Variants in EVI5 observed in about 807,000 individuals in gnomAD.
The protein encoded by EVI5 is ecotropic viral integration site 5.
In EVI5, 73 loss-of-function variants were observed where a neutral mutation model predicts 112.0. The observed-to-expected ratio is 0.65, with a 90% CI of 0.54 to 0.79. The LOEUF (loss-of-function observed/expected upper bound fraction) is 0.79, where lower values mean the gene tolerates loss of function less well. Ranked by LOEUF, EVI5 falls within the 30% of genes least tolerant of loss-of-function variation. The pLI, the probability that EVI5 is intolerant of heterozygous loss-of-function variation, is 0.00. For missense variants in EVI5, 900 were observed against 968.8 expected (o/e 0.93, Z 0.94); for synonymous variants, 305 against 319.9 (o/e 0.95, Z 0.50).
chr1:92,744,600 TCACACACA>T (rs961223051), intron 1 of EVI5, among the ~76,000 whole-genome samples: 12 of 28,058 alleles, frequency 4.3e-4, no homozygotes, highest in South Asian at 1.5e-3. Flanking sequence ...TCTCTCTCTC[TCACACACA>T]CACACACACA....
intron 9 of EVI5, among the ~76,000 whole-genome samples, chr1:92,690,350 CT>C (rs34227828): frequency 0.83 from 112,443 of 135,986 alleles, 46,225 homozygotes; most frequent in East Asian, 0.94. Context: ...CCCAATGATA[CT>C]TTTTTTTTTT....
intron 19 of EVI5, among the ~76,000 whole-genome samples, chr1:92,540,521 C>A (rs1664617485): frequency 6.6e-6 from 1 of 152,094 alleles, no homozygotes; most frequent in South Asian, 2.1e-4. Context: ...CATTTTATAA[C>A]TGGGTTATCT....
intron 2 of EVI5, among the ~76,000 whole-genome samples, chr1:92,720,769 C>T (rs1674609873): frequency 6.6e-6 from 1 of 152,162 alleles, no homozygotes; most frequent in African/African-American, 2.4e-5. Flanking sequence ...TCTTTGCAAT[C>T]TACCCAACTG....
At chr1:92,539,459 C>T (rs928738992) in intron 19 of EVI5, among the ~76,000 whole-genome samples, 15 of 147,108 alleles carry the variant, frequency 1.0e-4, no homozygotes, top group South Asian at 2.2e-4. Flanking sequence ...TGGAGGATGG[C>T]GGGAACCCGG....
intron 13 of EVI5, among the ~76,000 whole-genome samples, chr1:92,637,614 T>C (rs1659150385): frequency 6.6e-6 from 1 of 152,150 alleles, no homozygotes; most frequent in Non-Finnish European, 1.5e-5. Flanking sequence ...CTTTCTAAAA[T>C]AAATTGTCTA....
intron 2 of EVI5, among the ~76,000 whole-genome samples, chr1:92,736,100 T>C (rs1677384241): frequency 6.6e-6 from 1 of 151,714 alleles, no homozygotes; most frequent in Non-Finnish European, 1.5e-5. Context: ...AAGGAGACTG[T>C]TCAGAGAGTT....
intron 18 of EVI5, among the ~76,000 whole-genome samples, chr1:92,598,845 T>C (rs1648511686): frequency 6.6e-6 from 1 of 152,094 alleles, no homozygotes; most frequent in Non-Finnish European, 1.5e-5. Flanking sequence ...TTAAAAATGG[T>C]TAAGTTCACT....
At chr1:92,743,995 T>C (rs373818886) in intron 1 of EVI5, among the ~76,000 whole-genome samples, 17 of 152,228 alleles carry the variant, frequency 1.1e-4, no homozygotes, top group African/African-American at 4.1e-4. Context: ...TAAATCAAAC[T>C]CTAAGCACTG....
At position 92,717,725 on chromosome 1, in the gene EVI5, C is replaced by T. The variant is rs189887509; in HGVS notation, c.150-12981G>A. Reference sequence around the variant, plus strand: ...ACCTTAAATGTAAATGGGCTAAATGCTCCAATTAAAAGACACAGACTGGCA... The same window carrying T: ...ACCTTAAATGTAAATGGGCTAAATGTTCCAATTAAAAGACACAGACTGGCA... On this transcript the variant is annotated intron_variant, in intron 2 of 19. Coordinates refer to ENST00000684568, the MANE Select transcript of EVI5 (RefSeq NM_001350197.2). Among the ~76,000 whole-genome samples, 14 of 152,176 alleles carry T rather than the reference C, an allele frequency of 9.2e-5. No individual in the cohort carries two copies. The East Asian group carries it at 1.9e-3, about 21-fold the overall frequency.
intron 18 of EVI5, among the ~76,000 whole-genome samples, chr1:92,598,672 T>C (rs1648473459): frequency 6.6e-6 from 1 of 152,222 alleles, no homozygotes; most frequent in Non-Finnish European, 1.5e-5. Flanking sequence ...TTACAGGTTG[T>C]ATAATCTGTT....
chr1:92,756,214 T>C (rs1475359899), intron 1 of EVI5: 2 of 417,370 alleles, frequency 4.8e-6, no homozygotes, highest in South Asian at 2.0e-5. Context: ...ATTAGAAACC[T>C]ATCAGTGGAA....
At chr1:92,735,725 A>ATTAT (rs1278908131) in intron 2 of EVI5, among the ~76,000 whole-genome samples, 1 of 132,988 alleles carries the variant, frequency 7.5e-6, no homozygotes, top group African/African-American at 3.0e-5. Flanking sequence ...TATTATATAT[A>ATTAT]ATATAATATA....
chr1:92,653,010 C>A (rs1458436994), intron 13 of EVI5, among the ~76,000 whole-genome samples: 1 of 152,202 alleles, frequency 6.6e-6, no homozygotes, highest in Non-Finnish European at 1.5e-5. Flanking sequence ...CTCCTCTACC[C>A]TGCAAACCCA....
intron 11 of EVI5, 130 bp downstream of exon 11, chr1:92,665,809 G>C: frequency 1.8e-6 from 1 of 555,748 alleles, no homozygotes. Flanking sequence ...TAAATAGTAA[G>C]GTAAGCAAGC....
At chr1:92,565,948 C>CAAAAAAAAAAAAAAAAAAAAAAAAAAAA (rs71586755) in intron 18 of EVI5, among the ~76,000 whole-genome samples, 3 of 51,874 alleles carry the variant, frequency 5.8e-5, no homozygotes, top group African/African-American at 3.0e-4. Flanking sequence ...CCAGCCCGAG[C>CAAAAAAAAAAAAAAAAAAAAAAAAAAAA]AAAAAAAAAA....
At chr1:92,746,215 A>G (rs4638137) in intron 1 of EVI5, among the ~76,000 whole-genome samples, 139,978 of 152,274 alleles carry the variant, frequency 0.92, 64,414 homozygotes, top group East Asian at 0.97. Context: ...CTCTGAACTT[A>G]TTCTGGTTCT....
At chr1:92,781,492 C>T (rs928260738) in intron 1 of EVI5, among the ~76,000 whole-genome samples, 2 of 147,282 alleles carry the variant, frequency 1.4e-5, no homozygotes, top group African/African-American at 2.6e-5. Context: ...CAGACCCTGT[C>T]TGAAAAAAAA....
chr1:92,776,508 A>C (rs1237706573), intron 1 of EVI5, among the ~76,000 whole-genome samples: 1 of 152,200 alleles, frequency 6.6e-6, no homozygotes, highest in Non-Finnish European at 1.5e-5. Flanking sequence ...CAACTTTATT[A>C]ATCTTTAGTA....
Position 92,539,560 on chromosome 1 carries a change from A to AAAAAAAAAAAAAACC in EVI5, c.2166+24081_2166+24082insGGTTTTTTTTTTTTT, listed in dbSNP as rs1553174065. ...TCCATCTCAAAAAAAAAAAAAAAAA[A>AAAAAAAAAAAAAACC]AAAAAATCTTGAACCCATTCTCCCA... On this transcript the variant is annotated intron_variant, in intron 19 of 19. Transcript: ENST00000684568. 1.5e-5 allele frequency among the ~76,000 whole-genome samples: 2 copies of AAAAAAAAAAAAAACC among 137,732 alleles called. 1 individual carries two copies. The allele number at this position is 137,732 out of a possible 152,430, so 90.4% of individuals were successfully genotyped here. A position where few individuals can be genotyped will look rare whatever the true frequency, so the allele number is the denominator to read the frequency against.
Sources: gnomAD v4.1 joint callset for allele counts (sites outside exome capture counted in the v4.1 genomes callset) on GRCh38, gnomAD v4.1.1 for gene constraint, MANE v1.5 for transcripts, NCBI Gene and HGNC (gene_info 2026-07-23, HGNC 2026-07-21) for gene names.